Variants in GBE1 observed in about 807,000 individuals in gnomAD.
GBE1 encodes the protein 1,4-alpha-glucan branching enzyme 1, also known as 1,4-alpha-glucan-branching enzyme.
GBE1 carries 70 observed loss-of-function variants against 88.8 expected under a neutral mutation model. The ratio of observed to expected loss-of-function variants is 0.79; its 90% confidence interval spans 0.65 to 0.96. GBE1 has a LOEUF of 0.96. Ranked by LOEUF, GBE1 falls within the 40% of genes least tolerant of loss-of-function variation. GBE1 has a pLI of 0.00. For missense variants in GBE1, 872 were observed against 871.0 expected, an observed-to-expected ratio of 1.00 and a Z score of -0.01; for synonymous variants, 284 against 300.1, an observed-to-expected ratio of 0.95 and a Z score of 0.56.
chr3:81,639,465 TAAAG>T (rs1704639463), intron 7 of GBE1, among the ~76,000 whole-genome samples: 1 of 152,076 alleles, frequency 6.6e-6, no homozygotes, highest in Non-Finnish European at 1.5e-5. Context: ...TTTGAATTTG[TAAAG>T]TAGCATATTC....
At chr3:81,512,395 T>C (rs1334891066) in intron 14 of GBE1, among the ~76,000 whole-genome samples, 1 of 151,886 alleles carries the variant, frequency 6.6e-6, no homozygotes, top group Admixed American at 6.6e-5. Context: ...TAAAAAGATA[T>C]ATATACATAC....
intron 10 of GBE1, among the ~76,000 whole-genome samples, chr3:81,584,996 C>T (rs933638599): frequency 3.3e-5 from 5 of 151,820 alleles, no homozygotes; most frequent in Non-Finnish European, 5.9e-5. Context: ...GAACCTTATA[C>T]CAAGGTGAGA....
At chr3:81,504,988 A>C (rs904333178) in intron 14 of GBE1, among the ~76,000 whole-genome samples, 1 of 152,218 alleles carries the variant, frequency 6.6e-6, no homozygotes, top group Non-Finnish European at 1.5e-5. Context: ...CTAGACGACT[A>C]TAACGATGGC....
intron 12 of GBE1, among the ~76,000 whole-genome samples, chr3:81,558,472 A>G (rs1315690301): frequency 1.3e-5 from 2 of 152,046 alleles, no homozygotes; most frequent in Admixed American, 6.6e-5. Flanking sequence ...ATTTTTTGCT[A>G]AGGGTCAGAA....
At chr3:81,680,291 A>G (rs974400722) in intron 2 of GBE1, among the ~76,000 whole-genome samples, 1 of 152,142 alleles carries the variant, frequency 6.6e-6, no homozygotes, top group Non-Finnish European at 1.5e-5. Context: ...GAGGAGATCG[A>G]GACCATCCTG....
intron 14 of GBE1, among the ~76,000 whole-genome samples, chr3:81,505,345 T>G (rs898698082): frequency 6.6e-6 from 1 of 152,190 alleles, no homozygotes; most frequent in African/African-American, 2.4e-5. Flanking sequence ...TAAACAAATG[T>G]CTGGTAGGGT....
chr3:81,673,848 G>A (rs1705220864), intron 2 of GBE1, among the ~76,000 whole-genome samples: 1 of 151,788 alleles, frequency 6.6e-6, no homozygotes, highest in South Asian at 2.1e-4. Flanking sequence ...GAACTCAGGT[G>A]TTGGCTTTCG....
intron 1 of GBE1, among the ~76,000 whole-genome samples, chr3:81,718,578 A>G (rs1195928017): frequency 6.6e-6 from 1 of 152,156 alleles, no homozygotes; most frequent in Non-Finnish European, 1.5e-5. Flanking sequence ...TTTTACCTCC[A>G]AAGCATTGGT....
intron 7 of GBE1, among the ~76,000 whole-genome samples, chr3:81,637,642 A>G (rs1200279608): frequency 6.6e-6 from 1 of 151,966 alleles, no homozygotes; most frequent in Non-Finnish European, 1.5e-5. Flanking sequence ...TCTCTTTGTA[A>G]TTCAATGACA....
chr3:81,718,460 G>A (rs1256315630), intron 1 of GBE1, among the ~76,000 whole-genome samples: 1 of 152,142 alleles, frequency 6.6e-6, no homozygotes, highest in Non-Finnish European at 1.5e-5. Flanking sequence ...AACACCGGGA[G>A]AAGTAGCATT....
chr3:81,761,442 G>T lies in GBE1; in HGVS notation c.76C>A (p.Pro26Thr). Residue 26 changes from proline to threonine, a missense_variant, in exon 1 of 16, where the codon CCC (proline) becomes ACC (threonine). By Grantham distance (38) the Pro-to-Thr change is conservative (BLOSUM62 -1). Transcript: ENST00000429644. ...AALNAALADV[P>T]ELARLLEIDP... is the part of the protein sequence containing the mutation. ...ATCTCCAGGAGTCTGGCCAGTTCGG[G>T]CACGTCAGCCAGGGCGGCATTGAGC... 6.2e-7 allele frequency: 1 copy of T among 1,613,670 alleles called. No homozygotes were observed. Among genetic ancestry groups the T allele is most frequent in the Non-Finnish European group, 8.5e-7 (1 of 1,179,704 alleles).
rs150816637 is a variant in GBE1 at position 81,718,136 on chromosome 3, C to T, written c.144-12523G>A. On this transcript the variant is annotated intron_variant, in intron 1 of 15. Transcript: ENST00000429644. ...CTGGGACTACAGGCGTGCGCCACCA[C>T]GCCTGGCCAATTTTGTATATTTTAG... 9.2e-3 allele frequency among the ~76,000 whole-genome samples: 1,399 copies of T among 151,872 alleles called. 23 individuals carry two copies. Among genetic ancestry groups the T allele is most frequent in the African/African-American group, 0.028 (1,170 of 41,466 alleles).
chr3:81,590,284 T>G (rs1374355898), intron 9 of GBE1, among the ~76,000 whole-genome samples: 4 of 152,032 alleles, frequency 2.6e-5, no homozygotes, highest in Admixed American at 1.3e-4. Context: ...TTTTTAACAG[T>G]AGTCTTACTA....
intron 7 of GBE1, 139 bp downstream of exon 7, chr3:81,642,642 C>T (rs1704701752): frequency 3.2e-6 from 2 of 630,508 alleles, no homozygotes; most frequent in East Asian, 5.6e-5. Context: ...AGGTAAAATC[C>T]CCTGTACAAC....
intron 7 of GBE1, among the ~76,000 whole-genome samples, chr3:81,597,648 TTTA>T (rs1203274511): frequency 6.6e-6 from 1 of 151,100 alleles, no homozygotes; most frequent in Non-Finnish European, 1.5e-5. Context: ...ACACTCCCAA[TTTA>T]TTTTTTGGAG....
At chr3:81,666,605 T>C (rs1329544095) in intron 3 of GBE1, among the ~76,000 whole-genome samples, 3 of 152,156 alleles carry the variant, frequency 2.0e-5, no homozygotes, top group Non-Finnish European at 4.4e-5. Context: ...GAGAAAAATA[T>C]TATTTTTCAA....
intron 12 of GBE1, among the ~76,000 whole-genome samples, chr3:81,572,613 T>C (rs368750091): frequency 1.3e-5 from 2 of 152,236 alleles, no homozygotes; most frequent in African/African-American, 2.4e-5. Context: ...CAGAAAGATA[T>C]GTTCTTAATT....
At chr3:81,527,517 T>A (rs1240569297) in intron 14 of GBE1, among the ~76,000 whole-genome samples, 1 of 152,012 alleles carries the variant, frequency 6.6e-6, no homozygotes. Context: ...CTCAAACAAA[T>A]TTACAAGACA....
chr3:81,522,906 T>C (rs191077389), intron 14 of GBE1, among the ~76,000 whole-genome samples: 98 of 151,692 alleles, frequency 6.5e-4, no homozygotes, highest in Admixed American at 1.2e-3. Context: ...TTGCAACTTA[T>C]AACTAGTATA....
Sources: allele counts gnomAD v4.1 joint callset (sites outside exome capture counted in the v4.1 genomes callset), GRCh38; gene constraint gnomAD v4.1.1; transcripts MANE v1.5; gene names NCBI Gene and HGNC (gene_info 2026-07-23, HGNC 2026-07-21).